The following RERG variants were observed in gnomAD, a reference collection of about 807,000 sequenced individuals.
RERG encodes RAS like estrogen regulated growth inhibitor, also known as ras-related and estrogen-regulated growth inhibitor.
Under a neutral mutation model 23.2 loss-of-function variants are expected in RERG, and 25 were observed. The ratio of observed to expected loss-of-function variants is 1.08; its 90% confidence interval spans 0.79 to 1.50. The LOEUF (loss-of-function observed/expected upper bound fraction) is 1.50. Ranked by LOEUF, RERG falls within the 40% of genes most tolerant of loss-of-function variation. The pLI is 0.00. For synonymous variants in RERG, 81 were observed against 89.1 expected, an observed-to-expected ratio of 0.91 and a Z score of 0.51; for missense variants, 253 against 250.1, an observed-to-expected ratio of 1.01 and a Z score of -0.08.
chr12:15,174,475 A>AGTGTGTGT (rs35380924), intron 2 of RERG, among the ~76,000 whole-genome samples: 9,204 of 147,766 alleles, frequency 0.062, 954 homozygotes, highest in African/African-American at 0.22. Context: ...GAGTTTGTTG[A>AGTGTGTGT]GTGTGTGTGT....
chr12:15,121,194 C>T (rs940081454), intron 2 of RERG, 75 bp from the exon 3 acceptor site: 47 of 1,064,706 alleles, frequency 4.4e-5, no homozygotes, highest in Non-Finnish European at 5.7e-5. Context: ...TTAAGGAAAG[C>T]GAAATGCTCC....
intron 2 of RERG, among the ~76,000 whole-genome samples, chr12:15,148,876 T>G (rs913098995): frequency 4.5e-5 from 5 of 111,790 alleles, no homozygotes; most frequent in South Asian, 3.5e-4. Flanking sequence ...TTTTTTTTTT[T>G]TTTTTTTTTT....
At position 15,217,386 on chromosome 12, in the gene RERG, C is replaced by T. The variant is rs181430722; in HGVS notation, c.61+43G>A. 3.1e-4 allele frequency: 411 copies of T among 1,306,298 alleles called. 1 individual carries two copies. In the African/African-American group the frequency reaches 5.5e-3, roughly 18 times the overall value. The allele number at this position is 1,306,298 out of a possible 1,614,324, so 80.9% of individuals were successfully genotyped here. A position where few individuals can be genotyped will look rare whatever the true frequency, so the allele number is the denominator to read the frequency against. ...AGAAACAGTAATAAAGAAACACACTCACCCACACACACACACTATAACAAC... is the reference window on the plus strand; with the variant it reads ...AGAAACAGTAATAAAGAAACACACTTACCCACACACACACACTATAACAAC... On this transcript the variant is annotated intron_variant, in intron 2 of 4. Coordinates refer to ENST00000256953, the MANE Select transcript of RERG (RefSeq NM_032918.3).
intron 2 of RERG, among the ~76,000 whole-genome samples, chr12:15,213,684 A>T (rs1055034400): frequency 6.6e-6 from 1 of 152,234 alleles, no homozygotes; most frequent in Non-Finnish European, 1.5e-5. Flanking sequence ...CTTAGTAATC[A>T]GCACATTATT....
At chr12:15,137,923 G>T in intron 2 of RERG, 1 of 415,718 alleles carries the variant, frequency 2.4e-6, no homozygotes, top group Non-Finnish European at 4.8e-6. Context: ...AGAATGTATC[G>T]TATCATTTTT....
chr12:15,156,515 C>G (rs547439585), intron 2 of RERG, among the ~76,000 whole-genome samples: 5 of 152,324 alleles, frequency 3.3e-5, no homozygotes, highest in East Asian at 1.9e-4. Flanking sequence ...ATCTCTATCT[C>G]TCTGATGATT....
At chr12:15,191,282 C>A (rs1246603473) in intron 2 of RERG, among the ~76,000 whole-genome samples, 1 of 152,104 alleles carries the variant, frequency 6.6e-6, no homozygotes, top group Non-Finnish European at 1.5e-5. Context: ...ATTGAACATT[C>A]TAAACAGTAA....
intron 2 of RERG, among the ~76,000 whole-genome samples, chr12:15,133,188 T>TATATATG (rs1864085256): frequency 6.8e-6 from 1 of 147,662 alleles, no homozygotes; most frequent in African/African-American, 2.5e-5. Context: ...CATGTAACTA[T>TATATATG]TATAGTATCA....
chr12:15,190,637 A>G (rs1337907290), intron 2 of RERG, among the ~76,000 whole-genome samples: 1 of 152,218 alleles, frequency 6.6e-6, no homozygotes, highest in Non-Finnish European at 1.5e-5. Flanking sequence ...CATAAATGAT[A>G]GGCAAAAACA....
chr12:15,125,262 C>G (rs1328312174), intron 2 of RERG, among the ~76,000 whole-genome samples: 2 of 151,898 alleles, frequency 1.3e-5, no homozygotes, highest in Non-Finnish European at 2.9e-5. Context: ...AATACTAGCA[C>G]AACTTTAGTC....
At chr12:15,213,672 T>C (rs542518788) in intron 2 of RERG, among the ~76,000 whole-genome samples, 2 of 152,210 alleles carry the variant, frequency 1.3e-5, no homozygotes, top group South Asian at 4.1e-4. Flanking sequence ...TTATCAGTGC[T>C]CCTTAGTAAT....
chr12:15,139,014 C>CTTTTTTTTTTTTTT (rs34755371), intron 2 of RERG, among the ~76,000 whole-genome samples: 9 of 51,112 alleles, frequency 1.8e-4, no homozygotes, highest in East Asian at 6.1e-4. Flanking sequence ...TGTGTCTAGA[C>CTTTTTTTTTTTTTT]TTTTTTTTTT....
At chr12:15,154,902 T>C (rs1003753423) in intron 2 of RERG, among the ~76,000 whole-genome samples, 2 of 152,234 alleles carry the variant, frequency 1.3e-5, no homozygotes, top group Non-Finnish European at 2.9e-5. Flanking sequence ...TTAATTTAAA[T>C]GAAATTGTAG....
intron 2 of RERG, among the ~76,000 whole-genome samples, chr12:15,186,723 A>C (rs1313592902): frequency 6.6e-6 from 1 of 152,206 alleles, no homozygotes; most frequent in African/African-American, 2.4e-5. Flanking sequence ...CTTGCTATTT[A>C]ATGAAAATAA....
intron 2 of RERG, among the ~76,000 whole-genome samples, chr12:15,169,232 G>T (rs1295072894): frequency 4.6e-5 from 7 of 152,178 alleles, no homozygotes; most frequent in African/African-American, 4.8e-5. Context: ...GGGTGTGATG[G>T]TTAATTTTAT....
intron 2 of RERG, among the ~76,000 whole-genome samples, chr12:15,187,744 A>G (rs1169800414): frequency 6.6e-6 from 1 of 151,850 alleles, no homozygotes; most frequent in African/African-American, 2.4e-5. Flanking sequence ...CTTTAAGTAG[A>G]GACAGGGTTT....
chr12:15,150,469 C>G (rs1209543436), intron 2 of RERG, among the ~76,000 whole-genome samples: 1 of 152,114 alleles, frequency 6.6e-6, no homozygotes, highest in African/African-American at 2.4e-5. Context: ...GAATATCTAA[C>G]TCATAGGATT....
At chr12:15,199,409 T>C (rs1206612198) in intron 2 of RERG, among the ~76,000 whole-genome samples, 1 of 152,136 alleles carries the variant, frequency 6.6e-6, no homozygotes, top group African/African-American at 2.4e-5. Flanking sequence ...AGTTCCCATA[T>C]GTCTACTGTA....
chr12:15,156,268 G>A (rs2136110516), intron 2 of RERG, among the ~76,000 whole-genome samples: 1 of 152,238 alleles, frequency 6.6e-6, no homozygotes, highest in African/African-American at 2.4e-5. Context: ...CATTCATCAT[G>A]GAAGGCAGTG....
Sources: allele counts gnomAD v4.1 joint callset (sites outside exome capture counted in the v4.1 genomes callset), GRCh38; gene constraint gnomAD v4.1.1; transcripts MANE v1.5; gene names NCBI Gene and HGNC (gene_info 2026-07-23, HGNC 2026-07-21).